The following PARN variants were observed in gnomAD, a reference collection of about 807,000 sequenced individuals.
The protein encoded by PARN is poly(A)-specific ribonuclease PARN.
Under a neutral mutation model 102.8 loss-of-function variants are expected in PARN, and 71 were observed. The ratio of observed to expected loss-of-function variants is 0.69; its 90% confidence interval spans 0.57 to 0.84. PARN has a LOEUF of 0.84. Ranked by LOEUF, PARN falls within the 40% of genes least tolerant of loss-of-function variation. PARN has a pLI of 0.00. For missense variants in PARN, 782 were observed against 760.9 expected (o/e 1.03, Z -0.33); for synonymous variants, 261 against 252.9 (o/e 1.03, Z -0.30).
chr16:14,482,947 C>A, intron 21 of PARN, 120 bp from the exon 22 acceptor site: 1 of 710,196 alleles, frequency 1.4e-6, no homozygotes, highest in Non-Finnish European at 2.2e-6. Flanking sequence ...GAGGTCTGAC[C>A]CTTGGCTCTG....
At chr16:14,532,735 AG>A (rs1393745019) in intron 21 of PARN, among the ~76,000 whole-genome samples, 2 of 145,874 alleles carry the variant, frequency 1.4e-5, no homozygotes, top group Non-Finnish European at 3.0e-5. Context: ...ACCTCCCGGG[AG>A]GGGCGGCTGG....
chr16:14,598,591 A>C (rs1463714860), intron 12 of PARN, among the ~76,000 whole-genome samples: 5 of 152,200 alleles, frequency 3.3e-5, no homozygotes, highest in Admixed American at 6.5e-5. Context: ...GGATACCTGT[A>C]ATCTCAGCCA....
At chr16:14,583,167 G>A (rs961918629) in intron 16 of PARN, among the ~76,000 whole-genome samples, 2 of 152,164 alleles carry the variant, frequency 1.3e-5, no homozygotes, top group Non-Finnish European at 2.9e-5. Flanking sequence ...GATGTGACCA[G>A]ATAAACTATA....
At chr16:14,601,833 G>C (rs773763481) in intron 11 of PARN, 2 of 151,680 alleles carry the variant, frequency 1.3e-5, no homozygotes, top group African/African-American at 2.4e-5. Flanking sequence ...TGAGGCAGGA[G>C]AATCGCTTGA....
At chr16:14,618,862 T>C (rs1972104404) in intron 5 of PARN, among the ~76,000 whole-genome samples, 1 of 152,000 alleles carries the variant, frequency 6.6e-6, no homozygotes, top group Non-Finnish European at 1.5e-5. Context: ...AATTAGATAA[T>C]GAAAGCCCAA....
intron 18 of PARN, among the ~76,000 whole-genome samples, chr16:14,570,622 C>G (rs1172388032): frequency 6.7e-6 from 1 of 149,544 alleles, no homozygotes; most frequent in African/African-American, 2.5e-5. Context: ...TGCACTCCAG[C>G]CTGGGCGACA....
intron 21 of PARN, among the ~76,000 whole-genome samples, chr16:14,502,213 G>A (rs1422642052): frequency 1.3e-5 from 2 of 152,176 alleles, no homozygotes; most frequent in Non-Finnish European, 2.9e-5. Flanking sequence ...CACGCATGGG[G>A]CAAGGGGTGG....
At chr16:14,577,047 G>A (rs573156059) in intron 18 of PARN, among the ~76,000 whole-genome samples, 3 of 152,264 alleles carry the variant, frequency 2.0e-5, no homozygotes, top group African/African-American at 7.2e-5. Flanking sequence ...ATTTCCCTTC[G>A]AGGTTTACTT....
intron 18 of PARN, among the ~76,000 whole-genome samples, 175 bp from the exon 19 acceptor site, chr16:14,555,884 T>A (rs1967653559): frequency 6.6e-6 from 1 of 152,104 alleles, no homozygotes; most frequent in South Asian, 2.1e-4. Context: ...TATTTTTTTT[T>A]AGATGGAGTT....
chr16:14,608,353 C>T lies in PARN; in HGVS notation c.621-34G>A, dbSNP rs532497006. On this transcript the variant is annotated intron_variant, in intron 8 of 23. Coordinates refer to ENST00000437198, the MANE Select transcript of PARN (RefSeq NM_002582.4). ...ACAAAAGAAAAGGTATTGATTTTGG[C>T]TCATTAGAAGTAAATCCAAACTGAT... The T allele has an allele frequency of 4.9e-5, 69 of 1,418,770 alleles. 2 individuals carry two copies. The South Asian group carries it at 8.0e-4, about 17-fold the overall frequency. The allele number at this position is 1,418,770 out of a possible 1,614,324, so 87.9% of individuals were successfully genotyped here.
intron 22 of PARN, among the ~76,000 whole-genome samples, chr16:14,478,674 A>G (rs1483761765): frequency 3.3e-5 from 5 of 152,258 alleles, no homozygotes; most frequent in Non-Finnish European, 7.3e-5. Context: ...AGCATACAAC[A>G]TAATTGTGCA....
intron 5 of PARN, among the ~76,000 whole-genome samples, chr16:14,620,389 CA>C (rs1972224919): frequency 6.6e-6 from 1 of 152,020 alleles, no homozygotes; most frequent in Non-Finnish European, 1.5e-5. Context: ...AAACAAAAAA[CA>C]AAAAACACTG....
chr16:14,618,656 C>CAA (rs1181174251), intron 5 of PARN, among the ~76,000 whole-genome samples: 136 of 88,420 alleles, frequency 1.5e-3, no homozygotes, highest in African/African-American at 5.0e-3. Context: ...AAGACTGTCT[C>CAA]AAAAAAAAAA....
rs1356133158 is a variant in PARN, at chr16:14,604,184, GTTC to G, written c.742_744del (p.Glu248del). Reference sequence around the variant, plus strand: ...TGTTTCTGCTGCTCTCTTCTTTTGCGTTCTTCTTCATCTACTTTGCTGATAACT... The same window carrying G: ...TGTTTCTGCTGCTCTCTTCTTTTGCGTTCTTCATCTACTTTGCTGATAACT... On this transcript the variant is annotated inframe_deletion, in exon 11 of 24. Coordinates refer to ENST00000437198, the MANE Select transcript of PARN (RefSeq NM_002582.4). The G allele has an allele frequency of 1.2e-6, 2 of 1,601,318 alleles. No individual in the cohort carries two copies. The highest frequency in any genetic ancestry group is 2.2e-5 in the South Asian group (2 of 89,194).
chr16:14,499,720 A>G (rs1369853693), intron 21 of PARN, among the ~76,000 whole-genome samples: 1 of 152,214 alleles, frequency 6.6e-6, no homozygotes, highest in Non-Finnish European at 1.5e-5. Context: ...AATGTAAAAA[A>G]CTAAAACAAG....
rs538297842 is a variant in PARN at position 14,436,083 on chromosome 16, C to A, written c.*634G>T. The A allele has an allele frequency of 1.3e-5, 2 of 152,306 alleles. No homozygotes were observed. Among genetic ancestry groups the A allele is most frequent in the African/African-American group, 4.8e-5 (2 of 41,414 alleles). The allele number at this position is 152,306 out of a possible 1,614,324, so 9.4% of individuals were successfully genotyped here. Reference sequence around the variant, plus strand: ...TCGTACATCCCCCATGAGAAACTCACGTCTTAGGAGAAAGGAACTCTACAT... The same window carrying A: ...TCGTACATCCCCCATGAGAAACTCAAGTCTTAGGAGAAAGGAACTCTACAT... On this transcript the variant is annotated 3_prime_UTR_variant, in exon 24 of 24. Transcript: ENST00000437198.
intron 21 of PARN, among the ~76,000 whole-genome samples, chr16:14,531,808 C>T (rs1966345830): frequency 6.6e-6 from 1 of 151,912 alleles, no homozygotes; most frequent in South Asian, 2.1e-4. Flanking sequence ...CTTTCAAAAG[C>T]CCCAGACTTC....
intron 21 of PARN, among the ~76,000 whole-genome samples, chr16:14,489,433 G>A (rs1596500441): frequency 2.1e-5 from 2 of 97,426 alleles, no homozygotes; most frequent in Admixed American, 1.4e-4. Flanking sequence ...GACAGAGAGA[G>A]ACTCAAAAAA....
At chr16:14,451,856 A>AAAAAAAAAAT in intron 22 of PARN, among the ~76,000 whole-genome samples, 1 of 84,644 alleles carries the variant, frequency 1.2e-5, no homozygotes, top group African/African-American at 5.5e-5. Context: ...AAAAAAAAAA[A>AAAAAAAAAAT]AAAAAAAAAA....
Sources: allele counts gnomAD v4.1 joint callset (sites outside exome capture counted in the v4.1 genomes callset), GRCh38; gene constraint gnomAD v4.1.1; transcripts MANE v1.5; gene names NCBI Gene and HGNC (gene_info 2026-07-23, HGNC 2026-07-21).